The following ESR1 variants were observed in gnomAD, a reference collection of about 807,000 sequenced individuals.
ESR1 encodes the protein estrogen receptor.
A neutral mutation model predicts 52.7 loss-of-function variants in ESR1; 12 were observed. The observed-to-expected ratio is 0.23, with a 90% CI of 0.15 to 0.37. The LOEUF (loss-of-function observed/expected upper bound fraction) is 0.37. Ranked by LOEUF, ESR1 falls within the 10% of genes least tolerant of loss-of-function variation. ESR1 has a pLI of 1.00. For synonymous variants in ESR1, 305 were observed against 316.8 expected (o/e 0.96, Z 0.39); for missense variants, 584 against 779.7 (o/e 0.75, Z 2.99).
intron 4 of ESR1, among the ~76,000 whole-genome samples, chr6:151,963,178 C>G (rs971766942): frequency 6.6e-6 from 1 of 151,996 alleles, no homozygotes; most frequent in Admixed American, 6.6e-5. Flanking sequence ...TTAACCATAA[C>G]GAACTAAAAA....
At chr6:151,735,636 T>C (rs3020346) in intron 2 of ESR1, among the ~76,000 whole-genome samples, 73,559 of 151,890 alleles carry the variant, frequency 0.48, 19,299 homozygotes, top group Non-Finnish European at 0.58. Flanking sequence ...TGTATAGTGC[T>C]GAAGTCTGGG....
In ESR1 at chr6:151,808,265, C is replaced by A. The variant is rs2128156970; in HGVS notation, c.353C>A (p.Ser118Ter). Residue 118 changes from serine (S) to a stop codon, truncating the protein, a stop_gained, in exon 1 of 8, where the codon TCG becomes TAG. Transcript: ENST00000206249. LOFTEE classifies it high-confidence loss of function. ...LMLLHPPPQL[S>*]PFLQPHGQQV... ...CTACTGCACCCGCCGCCGCAGCTGT[C>A]GCCTTTCCTGCAGCCCCACGGCCAG... is the stretch of plus-strand genomic sequence containing the variant. The A allele has an allele frequency of 6.3e-7, 1 of 1,585,452 alleles. No individual in the cohort carries two copies. The highest frequency in any genetic ancestry group is 8.6e-7 in the Non-Finnish European group (1 of 1,166,700).
chr6:152,004,923 A>C (rs1301339326), intron 4 of ESR1, among the ~76,000 whole-genome samples: 5 of 152,010 alleles, frequency 3.3e-5, no homozygotes, highest in African/African-American at 9.7e-5. Flanking sequence ...GTTTATTGTA[A>C]AACTTCTGGA....
At chr6:151,797,167 C>G (rs926346083) in intron 2 of ESR1, among the ~76,000 whole-genome samples, 8 of 152,216 alleles carry the variant, frequency 5.3e-5, no homozygotes, top group African/African-American at 1.9e-4. Flanking sequence ...GTAACCGGGT[C>G]TCATGGGCAG....
chr6:151,660,745 A>C (rs1450521990), intron 1 of ESR1, among the ~76,000 whole-genome samples: 1 of 152,228 alleles, frequency 6.6e-6, no homozygotes, highest in African/African-American at 2.4e-5. Context: ...ACTCACAATA[A>C]ATATTTATAA....
Position 151,810,250 on chromosome 6 carries a change from G to C in ESR1, c.452+1886G>C, listed in dbSNP as rs544899190. ...ATTACATGATATTCAAACACTCTTAGAATAATAAAAAAAGAGACAAGGAAC... is the reference window on the plus strand; with the variant it reads ...ATTACATGATATTCAAACACTCTTACAATAATAAAAAAAGAGACAAGGAAC... On this transcript the variant is annotated intron_variant, in intron 1 of 7. Transcript: ENST00000206249. Among the ~76,000 whole-genome samples the C allele has an allele frequency of 3.3e-5, 5 of 151,152 alleles. No homozygotes were observed. The East Asian group carries it at 9.7e-4, about 29-fold the overall frequency.
chr6:151,732,925 G>A (rs1782365566), intron 2 of ESR1, among the ~76,000 whole-genome samples: 1 of 152,116 alleles, frequency 6.6e-6, no homozygotes, highest in Non-Finnish European at 1.5e-5. Context: ...CAGGGCTGCT[G>A]TCCACATACC....
chr6:151,997,856 A>G (rs2041628055), intron 4 of ESR1, among the ~76,000 whole-genome samples: 1 of 152,150 alleles, frequency 6.6e-6, no homozygotes, highest in African/African-American at 2.4e-5. Context: ...ATCTTTAAAG[A>G]TGCTACCATC....
chr6:151,740,048 G>T (rs903846537), intron 2 of ESR1, among the ~76,000 whole-genome samples: 14 of 152,068 alleles, frequency 9.2e-5, no homozygotes, highest in Non-Finnish European at 1.8e-4. Context: ...TATTGCCAGG[G>T]TTCCCCTATG....
At chr6:151,900,193 G>C (rs1796466595) in intron 3 of ESR1, among the ~76,000 whole-genome samples, 1 of 152,176 alleles carries the variant, frequency 6.6e-6, no homozygotes, top group African/African-American at 2.4e-5. Flanking sequence ...CCTTGTCTTT[G>C]AGCTCTGAAG....
intron 1 of ESR1, among the ~76,000 whole-genome samples, chr6:151,816,975 A>G (rs1280325491): frequency 6.6e-6 from 1 of 152,338 alleles, no homozygotes. Context: ...GACTGAAGCA[A>G]TCCCAGAGAG....
intron 4 of ESR1, among the ~76,000 whole-genome samples, chr6:151,964,356 G>A (rs2982690): frequency 0.81 from 123,267 of 152,026 alleles, 50,310 homozygotes; most frequent in Middle Eastern, 0.9. Context: ...TTTTATCTGT[G>A]TTCTGTAGTT....
intron 2 of ESR1, among the ~76,000 whole-genome samples, chr6:151,778,500 G>T (rs936774099): frequency 7.3e-5 from 11 of 151,346 alleles, no homozygotes; most frequent in Non-Finnish European, 1.3e-4. Context: ...CCACCTCCCA[G>T]GTTCTAGCAA....
intron 5 of ESR1, among the ~76,000 whole-genome samples, chr6:152,020,389 T>A (rs1195165908): frequency 6.6e-6 from 1 of 152,146 alleles, no homozygotes; most frequent in African/African-American, 2.4e-5. Flanking sequence ...ATATTACCAA[T>A]GCCAATGTGT....
chr6:151,956,269 A>T (rs983720991), intron 4 of ESR1, among the ~76,000 whole-genome samples: 2 of 152,140 alleles, frequency 1.3e-5, no homozygotes, highest in Admixed American at 1.3e-4. Flanking sequence ...GTTGAATGGT[A>T]GTTCTGTTTT....
intron 6 of ESR1, among the ~76,000 whole-genome samples, chr6:152,121,073 C>T (rs2051317333): frequency 6.6e-6 from 1 of 152,126 alleles, no homozygotes; most frequent in Non-Finnish European, 1.5e-5. Context: ...GACTAGGGCA[C>T]CAGAGCTGTC....
At position 151,783,900 on chromosome 6, in the gene ESR1, G is replaced by C. The variant is rs770238564; in HGVS notation, c.-70-23943G>C. On this transcript the variant is annotated intron_variant, in intron 2 of 2. Coordinates refer to the ESR1 transcript ENST00000404742. ...CAGTTTTGAGGAATACTGGTCAAGC[G>C]TTTTGTAGAATGTACCTCAACTGAG... Among the ~76,000 whole-genome samples, 18 of 152,244 alleles carry C rather than the reference G, an allele frequency of 1.2e-4. 2 individuals are homozygous for C. The highest frequency in any genetic ancestry group is 1.1e-3 in the Admixed American group (17 of 15,278).
chr6:151,925,152 A>C (rs2032484802), intron 3 of ESR1, among the ~76,000 whole-genome samples: 1 of 60,380 alleles, frequency 1.7e-5, no homozygotes, highest in Admixed American at 1.6e-4. Flanking sequence ...TTGTTTTTTT[A>C]GTATTTAATA....
chr6:151,812,106 T>C (rs1489005803), intron 1 of ESR1, among the ~76,000 whole-genome samples: 4 of 152,074 alleles, frequency 2.6e-5, no homozygotes, highest in Non-Finnish European at 4.4e-5. Context: ...AAGACAGGTG[T>C]AAGAAACTGC....
Sources: allele counts gnomAD v4.1 joint callset (sites outside exome capture counted in the v4.1 genomes callset), GRCh38; gene constraint gnomAD v4.1.1; transcripts MANE v1.5; gene names NCBI Gene and HGNC (gene_info 2026-07-23, HGNC 2026-07-21).